Variants in NOL4 observed in about 807,000 individuals in gnomAD.
NOL4 encodes nucleolar protein 4.
Under a neutral mutation model 75.9 loss-of-function variants are expected in NOL4, and 17 were observed. The ratio of observed to expected loss-of-function variants is 0.22; its 90% CI spans 0.15 to 0.34. The LOEUF (loss-of-function observed/expected upper bound fraction) is 0.34, where lower values mean the gene tolerates loss of function less well. NOL4 is among the 10% of genes least tolerant of loss of function. The pLI, the probability that NOL4 is intolerant of heterozygous loss-of-function variation, is 1.00. For synonymous variants in NOL4, 292 were observed against 289.9 expected (o/e 1.01, Z -0.07); for missense variants, 614 against 793.5 (o/e 0.77, Z 2.72).
intron 6 of NOL4, among the ~76,000 whole-genome samples, chr18:33,958,942 G>GCTAT: frequency 6.6e-6 from 1 of 152,192 alleles, no homozygotes; most frequent in East Asian, 1.9e-4. Context: ...CCCAGCAAGA[G>GCTAT]CTATACAAAA....
At chr18:34,129,846 C>CTTTTTTTTT in intron 2 of NOL4, 25 bp downstream of exon 2, 1 of 1,350,512 alleles carries the variant, frequency 7.4e-7, no homozygotes. Context: ...AATGCATGCT[C>CTTTTTTTTT]TTTTTTTTTT....
chr18:34,007,161 G>C (rs1314286987), intron 6 of NOL4, among the ~76,000 whole-genome samples: 1 of 151,940 alleles, frequency 6.6e-6, no homozygotes, highest in African/African-American at 2.4e-5. Context: ...GAATCAATAG[G>C]ATAAGAAGGG....
intron 2 of NOL4, among the ~76,000 whole-genome samples, chr18:34,126,556 A>C (rs9955400): frequency 1.9e-4 from 29 of 152,272 alleles, no homozygotes; most frequent in African/African-American, 6.7e-4. Context: ...CTTATTTTAC[A>C]TGTAGCAAGA....
At chr18:33,890,499 T>G (rs1356862823) in intron 9 of NOL4, among the ~76,000 whole-genome samples, 1 of 152,122 alleles carries the variant, frequency 6.6e-6, no homozygotes, top group Non-Finnish European at 1.5e-5. Flanking sequence ...ACCAATGACT[T>G]TCTTCACAGA....
intron 1 of NOL4, among the ~76,000 whole-genome samples, chr18:34,204,306 A>G (rs2035968510): frequency 6.6e-6 from 1 of 152,094 alleles, no homozygotes; most frequent in Non-Finnish European, 1.5e-5. Context: ...GTAGTCTGCA[A>G]TATGTATTGT....
chr18:34,169,838 G>A (rs2032839722), intron 1 of NOL4, among the ~76,000 whole-genome samples: 1 of 151,952 alleles, frequency 6.6e-6, no homozygotes, highest in Non-Finnish European at 1.5e-5. Context: ...CAGGAAAGTA[G>A]GAATAAGGAA....
chr18:33,964,430 C>T (rs1215481254), intron 6 of NOL4, among the ~76,000 whole-genome samples: 2 of 139,670 alleles, frequency 1.4e-5, no homozygotes, highest in Non-Finnish European at 3.1e-5. Context: ...AGTAAACTCA[C>T]CATCAAGAAA....
intron 9 of NOL4, among the ~76,000 whole-genome samples, chr18:33,914,041 A>C (rs943135505): frequency 6.6e-6 from 1 of 152,112 alleles, no homozygotes; most frequent in Non-Finnish European, 1.5e-5. Context: ...TGCAGAAATG[A>C]ACAAACATTT....
chr18:34,064,033 T>C lies in NOL4; in HGVS notation c.772+29432A>G, dbSNP rs1442242221. Among the ~76,000 whole-genome samples the C allele has an allele frequency of 3.3e-5, 5 of 152,036 alleles. 1 individual carries two copies. The South Asian group carries it at 8.3e-4, about 25-fold the overall frequency. On this transcript the variant is annotated intron_variant, in intron 5 of 10. Transcript: ENST00000261592. ...GACTGGTATAATTGAGTGGTTCTTG[T>C]GTTTAGAAATAATTAACAATTATGA...
At chr18:34,055,042 TC>T (rs1171553822) in intron 5 of NOL4, among the ~76,000 whole-genome samples, 1 of 150,904 alleles carries the variant, frequency 6.6e-6, no homozygotes, top group East Asian at 1.9e-4. Context: ...CTTACTCTAC[TC>T]CTTATTGTCC....
chr18:34,073,574 A>C (rs1221276093), intron 5 of NOL4, among the ~76,000 whole-genome samples: 1 of 152,030 alleles, frequency 6.6e-6, no homozygotes, highest in Admixed American at 6.5e-5. Context: ...GAGTCTGTAC[A>C]TGTTCAGTAC....
chr18:34,106,024 C>T (rs931636798), intron 2 of NOL4, among the ~76,000 whole-genome samples: 9 of 152,024 alleles, frequency 5.9e-5, no homozygotes, highest in Non-Finnish European at 1.2e-4. Context: ...ACTAAGAAGT[C>T]TGATGCCGGG....
intron 2 of NOL4, among the ~76,000 whole-genome samples, chr18:34,124,488 A>G (rs900626425): frequency 6.6e-6 from 1 of 151,546 alleles, no homozygotes; most frequent in Non-Finnish European, 1.5e-5. Context: ...CCTTTTTTTG[A>G]AAATAAAGAT....
In NOL4 at chr18:34,089,057, CTT is replaced by C. The variant is rs1192431005; in HGVS notation, c.772+4406_772+4407del. Among the ~76,000 whole-genome samples the C allele has an allele frequency of 4.0e-4, 61 of 152,080 alleles. No homozygotes were observed. The South Asian group carries it at 0.012, about 30-fold the overall frequency. ...TCCAACACAACGCACATTTGATAGTCTTCTTTTCCCTTGGTTTTTAATGAATA... is the reference window on the plus strand; with the variant it reads ...TCCAACACAACGCACATTTGATAGTCCTTTTCCCTTGGTTTTTAATGAATA... On this transcript the variant is annotated intron_variant, in intron 5 of 10. Transcript: ENST00000261592.
chr18:33,910,306 T>C (rs1457981681), intron 9 of NOL4, among the ~76,000 whole-genome samples: 2 of 152,150 alleles, frequency 1.3e-5, no homozygotes, highest in East Asian at 3.9e-4. Flanking sequence ...TTACTTGCTC[T>C]CTGGACTCTA....
At chr18:33,903,044 G>A (rs2145011982) in intron 9 of NOL4, among the ~76,000 whole-genome samples, 1 of 152,198 alleles carries the variant, frequency 6.6e-6, no homozygotes, top group East Asian at 1.9e-4. Flanking sequence ...TCAGATTACT[G>A]GAGACTTGTC....
At chr18:33,875,917 G>GAA (rs1236913404) in intron 10 of NOL4, among the ~76,000 whole-genome samples, 1 of 151,980 alleles carries the variant, frequency 6.6e-6, no homozygotes, top group Admixed American at 6.6e-5. Context: ...ATAGGTATTA[G>GAA]AATAAAGACA....
intron 6 of NOL4, among the ~76,000 whole-genome samples, chr18:33,998,152 G>A (rs540940344): frequency 6.6e-6 from 1 of 151,930 alleles, no homozygotes. Flanking sequence ...TAGTTAAGGG[G>A]TATAATGTTT....
chr18:34,130,013 A>G lies in NOL4; in HGVS notation c.272T>C (p.Val91Ala). The G allele has an allele frequency of 1.3e-6, 2 of 1,559,554 alleles. No individual in the cohort carries two copies. Among genetic ancestry groups the G allele is most frequent in the East Asian group, 2.3e-5 (1 of 43,032 alleles). Residue 91 changes from valine (V) to alanine (A), a missense_variant, in exon 2 of 11, where the codon GTA (valine) becomes GCA (alanine). Transcript: ENST00000261592. The part of the protein sequence containing the change: ...LYVPVKTTDG[V>A]GVDEKLSLRR... ...TAAAGATAGCTTCTCATCTACCCCT[A>G]CGCCATCCTGGAAACAAAACAACAA...
Sources: allele counts gnomAD v4.1 joint callset (sites outside exome capture counted in the v4.1 genomes callset), GRCh38; gene constraint gnomAD v4.1.1; transcripts MANE v1.5; gene names NCBI Gene and HGNC (gene_info 2026-07-23, HGNC 2026-07-21).